Variants in TBC1D1 observed in about 807,000 individuals in gnomAD.
TBC1D1 encodes the protein TBC1 (tre-2/USP6, BUB2, cdc16) domain family, member 1.
A neutral mutation model predicts 125.6 loss-of-function variants in TBC1D1; 89 were observed. The observed-to-expected ratio is 0.71, with a 90% CI of 0.60 to 0.85. TBC1D1 has a LOEUF of 0.85. Among genes scored for constraint, TBC1D1 ranks in the 40% least tolerant of loss-of-function variants. TBC1D1 has a pLI of 0.00. For synonymous variants in TBC1D1, 565 were observed against 564.1 expected (o/e 1.00, Z -0.02); for missense variants, 1,377 against 1,469.2 (o/e 0.94, Z 1.03).
chr4:37,950,135 G>A (rs1439542168), intron 2 of TBC1D1, among the ~76,000 whole-genome samples: 3 of 152,118 alleles, frequency 2.0e-5, no homozygotes, highest in Admixed American at 6.5e-5. Context: ...AGGACAATAC[G>A]ATATTACACC....
At chr4:37,901,737 G>A (rs1461017070) in intron 1 of TBC1D1, among the ~76,000 whole-genome samples, 1 of 49,196 alleles carries the variant, frequency 2.0e-5, no homozygotes, top group Non-Finnish European at 4.9e-5. Flanking sequence ...TATCATGGGG[G>A]CCTTTGTTGG....
chr4:37,912,412 G>C (rs970810037), intron 2 of TBC1D1, among the ~76,000 whole-genome samples: 1 of 152,202 alleles, frequency 6.6e-6, no homozygotes, highest in Non-Finnish European at 1.5e-5. Context: ...ACTGTAGCTG[G>C]GCCTGCTGGG....
chr4:37,955,646 G>C (rs554319648), intron 2 of TBC1D1, among the ~76,000 whole-genome samples: 2 of 152,106 alleles, frequency 1.3e-5, no homozygotes, highest in African/African-American at 4.8e-5. Context: ...CCACAGATGC[G>C]AAACCCATGG....
intron 2 of TBC1D1, among the ~76,000 whole-genome samples, chr4:37,958,862 G>C (rs1199255342): frequency 2.6e-5 from 4 of 152,124 alleles, no homozygotes; most frequent in African/African-American, 9.7e-5. Flanking sequence ...AATTCAATTG[G>C]AATGCCTGCA....
intron 17 of TBC1D1, among the ~76,000 whole-genome samples, chr4:38,119,390 T>C (rs1294628779): frequency 6.6e-6 from 1 of 152,124 alleles, no homozygotes; most frequent in Admixed American, 6.5e-5. Flanking sequence ...TGCTTTACTA[T>C]AAGAATTCAT....
chr4:38,009,433 C>G (rs930084863), intron 2 of TBC1D1, among the ~76,000 whole-genome samples: 1 of 152,178 alleles, frequency 6.6e-6, no homozygotes, highest in African/African-American at 2.4e-5. Context: ...AACAAAGCAG[C>G]AAATGTAAAG....
chr4:37,895,569 T>G (rs1714385529), intron 1 of TBC1D1, among the ~76,000 whole-genome samples: 1 of 152,250 alleles, frequency 6.6e-6, no homozygotes, highest in African/African-American at 2.4e-5. Flanking sequence ...CCGGGCATGG[T>G]AGCACACACC....
At position 37,993,841 on chromosome 4, in the gene TBC1D1, C is replaced by G. The variant is rs1276121069; in HGVS notation, c.418-20668C>G. Among the ~76,000 whole-genome samples, 6 of 152,334 alleles carry G rather than the reference C, an allele frequency of 3.9e-5. No individual in the cohort carries two copies. In the East Asian group the frequency reaches 9.6e-4, roughly 24 times the overall value. On this transcript the variant is annotated intron_variant, in intron 2 of 19. Coordinates refer to ENST00000261439, the MANE Select transcript of TBC1D1 (RefSeq NM_015173.4). The stretch of plus-strand genomic sequence containing the variant: ...AAGTGATCCACCCACCTTGACCTCC[C>G]AAAGTGCTGGCATTAAGGGCGTGAG...
intron 3 of TBC1D1, 23 bp from the exon 4 acceptor site, chr4:38,018,331 G>A: frequency 6.4e-7 from 1 of 1,569,214 alleles, no homozygotes; most frequent in Admixed American, 1.7e-5. Flanking sequence ...TGAAAAGCTA[G>A]ATTTTTTTGT....
At chr4:37,898,722 C>T (rs771806280) in intron 1 of TBC1D1, among the ~76,000 whole-genome samples, 1 of 152,142 alleles carries the variant, frequency 6.6e-6, no homozygotes, top group Non-Finnish European at 1.5e-5. Context: ...GTCTCCAACC[C>T]AGGAGTCTCA....
At chr4:38,033,393 T>A (rs1746575437) in intron 7 of TBC1D1, among the ~76,000 whole-genome samples, 1 of 151,936 alleles carries the variant, frequency 6.6e-6, no homozygotes, top group African/African-American at 2.4e-5. Flanking sequence ...ATAGACTTAA[T>A]TTTTTTTAGA....
intron 1 of TBC1D1, among the ~76,000 whole-genome samples, chr4:37,897,223 T>C (rs944691515): frequency 1.3e-5 from 2 of 152,196 alleles, no homozygotes; most frequent in Non-Finnish European, 2.9e-5. Context: ...GCAGAAATAA[T>C]TGCAGTTTTT....
intron 15 of TBC1D1, among the ~76,000 whole-genome samples, chr4:38,109,839 G>C (rs2152566343): frequency 6.6e-6 from 1 of 152,326 alleles, no homozygotes; most frequent in South Asian, 2.1e-4. Context: ...TATCCTCAGT[G>C]TCTCATTTCA....
chr4:38,056,167 G>A (rs1044375132), intron 12 of TBC1D1, among the ~76,000 whole-genome samples: 4 of 152,166 alleles, frequency 2.6e-5, no homozygotes, highest in African/African-American at 9.7e-5. Context: ...GAAGCCACAC[G>A]GAAATGTGTT....
chr4:38,078,886 A>G (rs1425576), intron 12 of TBC1D1, among the ~76,000 whole-genome samples: 96,248 of 152,104 alleles, frequency 0.63, 31,589 homozygotes, highest in African/African-American at 0.81. Context: ...TCTCTGTAAC[A>G]TAGCCACTTT....
intron 8 of TBC1D1, among the ~76,000 whole-genome samples, chr4:38,039,428 CTT>C (rs543266202): frequency 2.1e-3 from 322 of 152,170 alleles, no homozygotes; most frequent in Non-Finnish European, 3.1e-3. Flanking sequence ...GCATCATACT[CTT>C]TGAGTTCTGG....
chr4:38,043,558 G>A (rs1402011456), intron 8 of TBC1D1, among the ~76,000 whole-genome samples: 2 of 150,202 alleles, frequency 1.3e-5, no homozygotes, highest in East Asian at 2.0e-4. Flanking sequence ...ACTCCAGCCT[G>A]GGCAACAAAG....
chr4:37,952,431 T>C (rs1258994210), intron 2 of TBC1D1: 1 of 239,728 alleles, frequency 4.2e-6, no homozygotes, highest in East Asian at 1.0e-4. Context: ...ATACACACCA[T>C]GGAATACTAT....
At chr4:37,932,926 G>A (rs770753603) in intron 2 of TBC1D1, among the ~76,000 whole-genome samples, 8 of 151,832 alleles carry the variant, frequency 5.3e-5, no homozygotes, top group Non-Finnish European at 8.8e-5. Flanking sequence ...AGGTGGCGGC[G>A]GGTGCCTGTA....
Sources: gnomAD v4.1 joint callset for allele counts (sites outside exome capture counted in the v4.1 genomes callset) on GRCh38, gnomAD v4.1.1 for gene constraint, MANE v1.5 for transcripts, NCBI Gene and HGNC (gene_info 2026-07-23, HGNC 2026-07-21) for gene names.